The following ZNF804B variants were observed in gnomAD, a reference collection of about 807,000 sequenced individuals.
ZNF804B encodes zinc finger protein 804B, also known as zinc finger 804B.
ZNF804B carries 80 observed loss-of-function variants against 101.4 expected under a neutral mutation model. The ratio of observed to expected loss-of-function variants is 0.79; its 90% confidence interval spans 0.66 to 0.95. ZNF804B has a LOEUF of 0.95. Ranked by LOEUF, ZNF804B falls within the 40% of genes least tolerant of loss-of-function variation. The pLI is 0.00. For missense variants in ZNF804B, 1,673 were observed against 1,561.9 expected (o/e 1.07, Z -1.20); for synonymous variants, 622 against 558.8 (o/e 1.11, Z -1.59).
At chr7:89,048,203 A>AACACACAC (rs140428820) in intron 1 of ZNF804B, among the ~76,000 whole-genome samples, 2,029 of 149,788 alleles carry the variant, frequency 0.014, 51 homozygotes, top group African/African-American at 0.036. Flanking sequence ...GATGTTCACA[A>AACACACAC]ACACACACAC....
At chr7:88,946,264 G>A (rs1023316013) in intron 1 of ZNF804B, among the ~76,000 whole-genome samples, 5 of 149,700 alleles carry the variant, frequency 3.3e-5, no homozygotes, top group Admixed American at 6.7e-5. Flanking sequence ...ACATTCCATC[G>A]ATACCTAGTT....
intron 1 of ZNF804B, among the ~76,000 whole-genome samples, chr7:88,903,109 C>A (rs912579861): frequency 6.6e-6 from 1 of 150,426 alleles, no homozygotes; most frequent in African/African-American, 2.4e-5. Flanking sequence ...CTTCCTCCCC[C>A]CTCTAATAGT....
intron 1 of ZNF804B, among the ~76,000 whole-genome samples, chr7:89,217,322 T>C (rs1202743168): frequency 6.6e-6 from 1 of 152,108 alleles, no homozygotes; most frequent in Admixed American, 6.5e-5. Context: ...CAGGCATAGG[T>C]TGTTTGAATT....
intron 1 of ZNF804B, among the ~76,000 whole-genome samples, chr7:89,175,709 T>C (rs1172350598): frequency 2.0e-5 from 3 of 152,204 alleles, no homozygotes; most frequent in South Asian, 4.1e-4. Context: ...GAGCATAAAA[T>C]ATCTTTTCAC....
chr7:89,165,179 C>G (rs570756127), intron 1 of ZNF804B, among the ~76,000 whole-genome samples: 2 of 152,148 alleles, frequency 1.3e-5, no homozygotes, highest in South Asian at 4.1e-4. Context: ...ATCAATTTGA[C>G]TTTTGTAGTG....
intron 1 of ZNF804B, among the ~76,000 whole-genome samples, chr7:88,764,714 A>G (rs1040918247): frequency 3.9e-5 from 6 of 152,156 alleles, no homozygotes; most frequent in African/African-American, 7.2e-5. Context: ...CTGACTGTGT[A>G]TATTTTCATT....
At chr7:88,931,876 A>G (rs1034852747) in intron 1 of ZNF804B, among the ~76,000 whole-genome samples, 1 of 151,916 alleles carries the variant, frequency 6.6e-6, no homozygotes, top group Non-Finnish European at 1.5e-5. Flanking sequence ...TTGTTAATAA[A>G]AATACAAAAT....
At chr7:89,097,980 A>G (rs993670407) in intron 1 of ZNF804B, among the ~76,000 whole-genome samples, 2 of 152,178 alleles carry the variant, frequency 1.3e-5, no homozygotes, top group African/African-American at 2.4e-5. Context: ...TAAAATACAT[A>G]TTCAGAAGCT....
intron 1 of ZNF804B, among the ~76,000 whole-genome samples, chr7:89,196,342 G>A (rs982253997): frequency 6.6e-6 from 1 of 152,064 alleles, no homozygotes; most frequent in Non-Finnish European, 1.5e-5. Flanking sequence ...ACAACCATGA[G>A]ATCTTTGACA....
At chr7:89,118,298 G>A (rs772257052) in intron 1 of ZNF804B, among the ~76,000 whole-genome samples, 7 of 152,090 alleles carry the variant, frequency 4.6e-5, no homozygotes, top group Non-Finnish European at 1.0e-4. Flanking sequence ...AACCAGGTCT[G>A]CCTATGTCTT....
rs192568190 is a variant in ZNF804B, at chr7:89,050,461, G to C, written c.109-167694G>C. ...GCAAAATTCCAATGCTTGCTGTATG[G>C]TTAGTGGTTTTACAATTAATTCCTT... On this transcript the variant is annotated intron_variant, in intron 1 of 3. Transcript: ENST00000333190. Among the ~76,000 whole-genome samples, 184 of 152,254 alleles carry C rather than the reference G, an allele frequency of 1.2e-3. 1 individual carries two copies. Among genetic ancestry groups the C allele is most frequent in the African/African-American group, 4.1e-3 (169 of 41,566 alleles).
chr7:89,318,832 A>G (rs1790769891), intron 2 of ZNF804B, among the ~76,000 whole-genome samples: 1 of 151,438 alleles, frequency 6.6e-6, no homozygotes, highest in South Asian at 2.1e-4. Flanking sequence ...GCACAGAAAT[A>G]TAGAGGTGTG....
intron 1 of ZNF804B, among the ~76,000 whole-genome samples, chr7:88,829,350 G>A (rs1198712701): frequency 1.3e-5 from 2 of 152,076 alleles, no homozygotes; most frequent in Non-Finnish European, 2.9e-5. Context: ...CCACATAGAT[G>A]TGAGCTTGCT....
At chr7:89,313,158 A>G (rs1275909656) in intron 2 of ZNF804B, among the ~76,000 whole-genome samples, 1 of 152,162 alleles carries the variant, frequency 6.6e-6, no homozygotes, top group East Asian at 1.9e-4. Context: ...GGAAGATTAG[A>G]TAGTCTGTTT....
At chr7:89,190,227 CAG>C (rs1265588663) in intron 1 of ZNF804B, among the ~76,000 whole-genome samples, 3 of 151,354 alleles carry the variant, frequency 2.0e-5, no homozygotes, top group African/African-American at 7.3e-5. Flanking sequence ...CCCAGCTACT[CAG>C]TAGGCTGAGG....
At chr7:89,103,029 T>A (rs1159046389) in intron 1 of ZNF804B, among the ~76,000 whole-genome samples, 1 of 147,648 alleles carries the variant, frequency 6.8e-6, no homozygotes, top group Admixed American at 6.8e-5. Context: ...TCTATTCTAT[T>A]CCATTGACCT....
At chr7:89,115,654 C>G (rs1046462737) in intron 1 of ZNF804B, among the ~76,000 whole-genome samples, 17 of 152,114 alleles carry the variant, frequency 1.1e-4, no homozygotes, top group Non-Finnish European at 1.9e-4. Flanking sequence ...ATGAACTTCT[C>G]TATGTATACT....
chr7:89,257,242 T>C (rs1159491065), intron 2 of ZNF804B, among the ~76,000 whole-genome samples: 1 of 152,196 alleles, frequency 6.6e-6, no homozygotes, highest in Non-Finnish European at 1.5e-5. Flanking sequence ...GGAGTCAATT[T>C]CTGAAGGAAA....
intron 1 of ZNF804B, among the ~76,000 whole-genome samples, chr7:89,082,044 A>G (rs1424323586): frequency 6.6e-6 from 1 of 151,726 alleles, no homozygotes; most frequent in African/African-American, 2.4e-5. Flanking sequence ...TTTTCTGCTT[A>G]TAATTTTGCA....
Sources: allele counts gnomAD v4.1 joint callset (sites outside exome capture counted in the v4.1 genomes callset), GRCh38; gene constraint gnomAD v4.1.1; transcripts MANE v1.5; gene names NCBI Gene and HGNC (gene_info 2026-07-23, HGNC 2026-07-21).